Variants in DST observed in about 807,000 individuals in gnomAD.
DST encodes bullous pemphigoid antigen.
DST carries 253 observed loss-of-function variants against 875.2 expected under a neutral mutation model. The observed-to-expected ratio is 0.29, with a 90% CI of 0.26 to 0.32. DST has a LOEUF of 0.32. DST is among the 10% of genes least tolerant of loss of function. DST has a pLI of 1.00. For synonymous variants in DST, 3,124 were observed against 3,197.1 expected (o/e 0.98, Z 0.77); for missense variants, 8,287 against 9,111.6 (o/e 0.91, Z 3.68).
intron 4 of DST, among the ~76,000 whole-genome samples, chr6:56,799,879 C>T (rs901448471): frequency 3.3e-5 from 5 of 152,154 alleles, no homozygotes; most frequent in African/African-American, 1.2e-4. Flanking sequence ...CCCACCTCGG[C>T]CTCCCAACAT....
chr6:56,812,478 A>T (rs2099761614), intron 4 of DST, among the ~76,000 whole-genome samples: 1 of 152,252 alleles, frequency 6.6e-6, no homozygotes, highest in Non-Finnish European at 1.5e-5. Context: ...CTATAGGAGG[A>T]GAAAACATTC....
intron 93 of DST, among the ~76,000 whole-genome samples, chr6:56,472,897 T>G (rs762419169): frequency 1.1e-4 from 17 of 152,232 alleles, no homozygotes; most frequent in Non-Finnish European, 1.9e-4. Flanking sequence ...TAACAAATTT[T>G]TCTCATCTTA....
At chr6:56,587,250 A>G (rs2098172833) in intron 49 of DST, among the ~76,000 whole-genome samples, 1 of 152,242 alleles carries the variant, frequency 6.6e-6, no homozygotes, top group African/African-American at 2.4e-5. Flanking sequence ...AGGCTCGAGA[A>G]CTACGTGAAG....
chr6:56,609,765 C>A (rs1166572185), intron 39 of DST, among the ~76,000 whole-genome samples: 1 of 152,074 alleles, frequency 6.6e-6, no homozygotes, highest in African/African-American at 2.4e-5. Flanking sequence ...TTACAGCATA[C>A]AGACTTCTTC....
At chr6:56,759,332 T>C (rs549200558) in intron 4 of DST, among the ~76,000 whole-genome samples, 26 of 152,076 alleles carry the variant, frequency 1.7e-4, no homozygotes, top group African/African-American at 4.8e-4. Context: ...ATGCCTGTAG[T>C]CCCAGCTACT....
At chr6:56,572,033 T>C (rs2097788229) in intron 53 of DST, 67 bp downstream of exon 53, 2 of 914,708 alleles carry the variant, frequency 2.2e-6, no homozygotes, top group East Asian at 3.2e-5. Context: ...TCTATATAAG[T>C]AAATACAAGT....
chr6:56,603,007 C>T lies in DST; in HGVS notation c.11182G>A (p.Glu3728Lys). 6.3e-7 allele frequency: 1 copy of T among 1,581,150 alleles called. No individual in the cohort carries two copies. Among genetic ancestry groups the T allele is most frequent in the Non-Finnish European group, 8.5e-7 (1 of 1,170,296 alleles). The change falls in exon 43 of 104, where the codon GAA becomes AAA. Residue 3728 changes from glutamate to lysine, a missense_variant. This residue lies in a region of DST where 3,138 missense variants were observed against 3,116.6 expected (regional missense o/e 1.01). Coordinates refer to ENST00000680361, the MANE Select transcript of DST (RefSeq NM_001374736.1). The part of the protein sequence containing the change: ...EMSKLAVSHE[E>K]FLHKLKSFSD... ...AATGACTTAAGTTTATGCAGAAATT[C>T]TTCATGGGAAACTGCTAGTTTAGAC...
At position 56,611,600 on chromosome 6, in the gene DST, T is replaced by C; in HGVS notation, c.5059-4A>G. 1.3e-6 allele frequency: 2 copies of C among 1,599,712 alleles called. No individual in the cohort carries two copies. Among genetic ancestry groups the C allele is most frequent in the South Asian group, 1.1e-5 (1 of 90,334 alleles). On this transcript the variant is annotated splice_polypyrimidine_tract_variant and splice_region_variant and intron_variant, in intron 37 of 103. Coordinates refer to ENST00000680361, the MANE Select transcript of DST (RefSeq NM_001374736.1). ...TTGATATTTCCTCACTGGAAATCTG[T>C]AAGGTAAAGAAGGCACATTCAAACT...
intron 2 of DST, among the ~76,000 whole-genome samples, chr6:56,937,699 C>T (rs1472236919): frequency 2.0e-5 from 3 of 152,206 alleles, no homozygotes; most frequent in Admixed American, 6.5e-5. Flanking sequence ...TGGTTTTAAG[C>T]ACATATTCAC....
chr6:56,589,478 G>T (rs80112075), intron 49 of DST, among the ~76,000 whole-genome samples: 13 of 152,184 alleles, frequency 8.5e-5, no homozygotes, highest in African/African-American at 2.7e-4. Context: ...ATGAAAGAAG[G>T]ATCTGTGACA....
Position 56,482,808 on chromosome 6 carries a change from T to C in DST, c.21277A>G (p.Ile7093Val). The C allele has an allele frequency of 6.2e-7, 1 of 1,613,812 alleles. No homozygotes were observed. The highest frequency in any genetic ancestry group is 8.5e-7 in the Non-Finnish European group (1 of 1,179,762). The change falls in exon 89 of 104, where the codon ATA (isoleucine) becomes GTA (valine). Residue 7093 changes from isoleucine (I) to valine (V), a missense_variant. Coordinates refer to ENST00000680361, the MANE Select transcript of DST (RefSeq NM_001374736.1). ...QALKRSARELIEGSRDDSSWV... is the reference protein window; with the variant it reads ...QALKRSARELVEGSRDDSSWV... Reference sequence around the variant, plus strand: ...GAGGAGTCATCCCGACTGCCTTCTATGAGTTCTCGGGCTGAGCGCTTCAGG... The same window carrying C: ...GAGGAGTCATCCCGACTGCCTTCTACGAGTTCTCGGGCTGAGCGCTTCAGG...
At chr6:56,685,983 T>C (rs754661860) in intron 9 of DST, among the ~76,000 whole-genome samples, 5 of 152,176 alleles carry the variant, frequency 3.3e-5, no homozygotes, top group Non-Finnish European at 5.9e-5. Flanking sequence ...TAAAAAGACA[T>C]CTGCACTCGT....
chr6:56,490,246 A>G, intron 85 of DST, among the ~76,000 whole-genome samples: 1 of 152,156 alleles, frequency 6.6e-6, no homozygotes, highest in Middle Eastern at 3.2e-3. Context: ...TTCTAACACA[A>G]TGTTATTCTC....
At chr6:56,582,977 T>G (rs2098052961) in intron 49 of DST, among the ~76,000 whole-genome samples, 1 of 152,212 alleles carries the variant, frequency 6.6e-6, no homozygotes, top group African/African-American at 2.4e-5. Flanking sequence ...TGCCACATTT[T>G]CTTAATCCAG....
In DST at chr6:56,631,899, C is replaced by G; in HGVS notation, c.3947G>C (p.Arg1316Thr). ...ERDDLHESVF[R>T]ITEQEKLKKE... ...AGCTCTCACCTCCTGTTCTGTGATT[C>G]TGAACACACTTTCATGCAAATCATC... The change falls in exon 29 of 104, where the codon AGA becomes ACA. Residue 1316 changes from arginine (R) to threonine (T), a missense_variant. Transcript: ENST00000680361. 6.2e-7 allele frequency: 1 copy of G among 1,613,948 alleles called. No individual in the cohort carries two copies. The highest frequency in any genetic ancestry group is 1.1e-5 in the South Asian group (1 of 91,068).
At chr6:56,930,291 G>A (rs1809485205) in intron 2 of DST, among the ~76,000 whole-genome samples, 2 of 152,226 alleles carry the variant, frequency 1.3e-5, no homozygotes, top group Non-Finnish European at 2.9e-5. Flanking sequence ...TTGTTGAAAA[G>A]ATCTAAGGCA....
At chr6:56,738,599 C>T (rs947038494) in intron 4 of DST, among the ~76,000 whole-genome samples, 12 of 152,080 alleles carry the variant, frequency 7.9e-5, no homozygotes, top group Admixed American at 2.6e-4. Context: ...GGATTACAGG[C>T]GTGAGACACC....
intron 10 of DST, among the ~76,000 whole-genome samples, chr6:56,669,595 CAA>C (rs531095657): frequency 3.0e-4 from 27 of 89,272 alleles, no homozygotes; most frequent in Middle Eastern, 7.2e-3. Context: ...GACTTCATCT[CAA>C]AAAAAAAAAA....
intron 96 of DST, 71 bp downstream of exon 96, chr6:56,470,057 G>GT (rs1406003175): frequency 6.0e-5 from 96 of 1,600,546 alleles, no homozygotes; most frequent in Non-Finnish European, 8.0e-5. Context: ...TAAAATGGTT[G>GT]TATGAATTGT....
Sources: allele counts gnomAD v4.1 joint callset (sites outside exome capture counted in the v4.1 genomes callset), GRCh38; gene constraint gnomAD v4.1.1; regional missense constraint gnomAD v4.1.1; transcripts MANE v1.5; gene names NCBI Gene and HGNC (gene_info 2026-07-23, HGNC 2026-07-21).